The following CDH4 variants were observed in gnomAD, a reference collection of about 807,000 sequenced individuals.
The protein encoded by CDH4 is cadherin-4.
A neutral mutation model predicts 86.0 loss-of-function variants in CDH4; 33 were observed. The ratio of observed to expected loss-of-function variants is 0.38; its 90% CI spans 0.29 to 0.51. CDH4 has a LOEUF of 0.51. CDH4 is among the 20% of genes least tolerant of loss of function. The probability of loss-of-function intolerance (pLI) is 0.86; values close to 1 mark genes in which losing one functional copy is unlikely to be tolerated. For missense variants in CDH4, 1,114 were observed against 1,307.4 expected (o/e 0.85, Z 2.28); for synonymous variants, 555 against 549.4 (o/e 1.01, Z -0.14).
At chr20:61,711,506 C>A (rs767225554) in intron 2 of CDH4, among the ~76,000 whole-genome samples, 1 of 152,218 alleles carries the variant, frequency 6.6e-6, no homozygotes, top group Non-Finnish European at 1.5e-5. Context: ...CTGCCTTCTA[C>A]CCTCAAAGCT....
Position 61,902,219 on chromosome 20 carries a change from C to T in CDH4, c.1188+7172C>T, listed in dbSNP as rs1020236243. On this transcript the variant is annotated intron_variant, in intron 8 of 15. Coordinates refer to ENST00000614565, the MANE Select transcript of CDH4 (RefSeq NM_001794.5). This position sits in a 1 kb window ranked among gnomAD's most constrained non-coding sequence, Gnocchi z 4.6. ...GTGGATGGCCGTTTTCAGAGCAGGG[C>T]AGGCAGCACAAACGGATGAACGATG... Among the ~76,000 whole-genome samples the T allele has an allele frequency of 6.6e-6, 1 of 152,190 alleles. No homozygotes were observed. Among genetic ancestry groups the T allele is most frequent in the African/African-American group, 2.4e-5 (1 of 41,442 alleles).
chr20:61,632,278 A>T (rs1040468197), intron 2 of CDH4, among the ~76,000 whole-genome samples: 9 of 152,114 alleles, frequency 5.9e-5, no homozygotes, highest in Admixed American at 5.2e-4. Flanking sequence ...ACAGAAATTC[A>T]GTTGGAGGCC....
chr20:61,690,463 G>A (rs2087640995), intron 2 of CDH4, among the ~76,000 whole-genome samples: 1 of 152,154 alleles, frequency 6.6e-6, no homozygotes. Context: ...TACAGGGTTT[G>A]CAGTTCTGGG....
intron 2 of CDH4, among the ~76,000 whole-genome samples, chr20:61,385,692 C>T (rs749510034): frequency 1.3e-5 from 2 of 152,152 alleles, no homozygotes; most frequent in Non-Finnish European, 2.9e-5. Flanking sequence ...CTGGCTGTAG[C>T]TTCTCCACAC....
intron 2 of CDH4, among the ~76,000 whole-genome samples, chr20:61,646,974 C>T (rs1398773761): frequency 2.0e-5 from 3 of 152,224 alleles, no homozygotes; most frequent in Non-Finnish European, 1.5e-5. Context: ...AAAGTGAAGG[C>T]TCCAGGGAGT....
chr20:61,502,054 G>C (rs763408802), intron 2 of CDH4, among the ~76,000 whole-genome samples: 3 of 150,922 alleles, frequency 2.0e-5, no homozygotes, highest in Non-Finnish European at 4.4e-5. Flanking sequence ...GATCTTTCAT[G>C]GTCAAACTTG....
chr20:61,702,679 T>C (rs1387424154), intron 2 of CDH4, among the ~76,000 whole-genome samples: 1 of 151,428 alleles, frequency 6.6e-6, no homozygotes, highest in African/African-American at 2.5e-5. Flanking sequence ...ACAAAAACTT[T>C]GTTTGTACTT....
chr20:61,529,357 A>G (rs2085935644), intron 2 of CDH4, among the ~76,000 whole-genome samples: 1 of 152,230 alleles, frequency 6.6e-6, no homozygotes, highest in Admixed American at 6.5e-5. Context: ...TATTCAGGTG[A>G]TGCTGTTTTA....
chr20:61,894,495 G>A (rs576548903), intron 7 of CDH4, among the ~76,000 whole-genome samples: 1 of 152,136 alleles, frequency 6.6e-6, no homozygotes, highest in African/African-American at 2.4e-5. Flanking sequence ...CTCAAGAAAC[G>A]AAGTCCCTCC....
At chr20:61,627,275 C>T (rs2086837945) in intron 2 of CDH4, among the ~76,000 whole-genome samples, 1 of 152,212 alleles carries the variant, frequency 6.6e-6, no homozygotes, top group African/African-American at 2.4e-5. Flanking sequence ...CAGAGTTCCA[C>T]CCAGAACTTC....
chr20:61,477,601 G>C (rs567838035), intron 2 of CDH4, among the ~76,000 whole-genome samples: 1 of 152,352 alleles, frequency 6.6e-6, no homozygotes, highest in Admixed American at 6.5e-5. Flanking sequence ...AGCTCAGTCT[G>C]CTCCCAGCTG....
chr20:61,485,794 C>G (rs1232997972), intron 2 of CDH4, among the ~76,000 whole-genome samples: 1 of 152,262 alleles, frequency 6.6e-6, no homozygotes, highest in Non-Finnish European at 1.5e-5. Flanking sequence ...CCCTGTTTCT[C>G]TCAGCACTTG....
chr20:61,664,956 G>C (rs2087306330), intron 2 of CDH4, among the ~76,000 whole-genome samples: 1 of 152,240 alleles, frequency 6.6e-6, no homozygotes, highest in African/African-American at 2.4e-5. Context: ...TGAACAAAGA[G>C]GCTGCCCAGA....
chr20:61,478,117 G>T (rs2085549460), intron 2 of CDH4, among the ~76,000 whole-genome samples: 1 of 152,150 alleles, frequency 6.6e-6, no homozygotes, highest in Non-Finnish European at 1.5e-5. Flanking sequence ...TCTAAATTGG[G>T]AACTGTGAAA....
intron 3 of CDH4, among the ~76,000 whole-genome samples, chr20:61,750,455 A>G (rs888222402): frequency 3.3e-5 from 5 of 152,238 alleles, no homozygotes; most frequent in Admixed American, 2.6e-4. Context: ...TATTGTTACA[A>G]ACAAAACTAA....
intron 4 of CDH4, among the ~76,000 whole-genome samples, chr20:61,799,416 A>G (rs373647242): frequency 7.2e-5 from 11 of 152,354 alleles, no homozygotes; most frequent in African/African-American, 2.6e-4. Flanking sequence ...TGAGGCCTCA[A>G]TTCCCTGCAG....
At chr20:61,722,837 TTC>T (rs1174969440) in intron 2 of CDH4, among the ~76,000 whole-genome samples, 12 of 152,304 alleles carry the variant, frequency 7.9e-5, no homozygotes, top group African/African-American at 2.4e-4. Flanking sequence ...CCTCTAGGAC[TTC>T]TCAGACCCTC....
intron 2 of CDH4, among the ~76,000 whole-genome samples, chr20:61,293,132 G>T: frequency 6.6e-6 from 1 of 152,138 alleles, no homozygotes; most frequent in East Asian, 1.9e-4. Flanking sequence ...AGGGAGGGCT[G>T]GTTCCTTCAG....
intron 4 of CDH4, among the ~76,000 whole-genome samples, chr20:61,780,699 T>C (rs1245910654): frequency 1.3e-5 from 2 of 152,170 alleles, no homozygotes; most frequent in Non-Finnish European, 2.9e-5. Context: ...ATGTTTAAGC[T>C]CTTTGAAGTT....
Sources: allele counts gnomAD v4.1 joint callset (sites outside exome capture counted in the v4.1 genomes callset), GRCh38; gene constraint gnomAD v4.1.1; non-coding constraint Gnocchi (gnomAD v3.1); transcripts MANE v1.5; gene names NCBI Gene and HGNC (gene_info 2026-07-23, HGNC 2026-07-21).